NME6: variants seen among roughly 807,000 people sequenced by gnomAD.
NME6 encodes NME/NM23 nucleoside diphosphate kinase 6, also known as nucleoside diphosphate kinase 6, mitochondrial.
Under a neutral mutation model 22.2 loss-of-function variants are expected in NME6, and 16 were observed. That is an observed-to-expected ratio of 0.72 (90% CI 0.49 to 1.09). The LOEUF is 1.09. Among genes scored for constraint, NME6 ranks in the 50% least tolerant of loss-of-function variants. NME6 has a pLI of 0.00. For missense variants in NME6, 229 were observed against 239.0 expected (o/e 0.96, Z 0.28); for synonymous variants, 58 against 85.2 (o/e 0.68, Z 1.76).
At position 48,294,546 on chromosome 3, in the gene NME6, G is replaced by C; in HGVS notation, c.*91C>G. On this transcript the variant is annotated 3_prime_UTR_variant, in exon 6 of 6. Coordinates refer to ENST00000442597, the MANE Select transcript of NME6 (RefSeq NM_001308426.2). Reference sequence around the variant, plus strand: ...GGTGGTGCCCAGCAGAAATGGCACTGTAAGCCAGGCTTCCCTGGTCCTAGG... The same window carrying C: ...GGTGGTGCCCAGCAGAAATGGCACTCTAAGCCAGGCTTCCCTGGTCCTAGG... The C allele has an allele frequency of 7.0e-7, 1 of 1,420,810 alleles. No individual in the cohort carries two copies. The highest frequency in any genetic ancestry group is 9.7e-7 in the Non-Finnish European group (1 of 1,032,264). 88.0% of individuals were successfully genotyped at this position (1,420,810 alleles called of 1,614,324 possible). A position where few individuals can be genotyped will look rare whatever the true frequency, so the allele number is the denominator to read the frequency against.
chr3:48,297,058 G>A (rs2035194086), intron 2 of NME6, among the ~76,000 whole-genome samples: 1 of 152,094 alleles, frequency 6.6e-6, no homozygotes, highest in Non-Finnish European at 1.5e-5. Context: ...AACCCCTTGA[G>A]CTCAAGACCA....
downstream of NME6, among the ~76,000 whole-genome samples, chr3:48,290,409 A>G (rs1414631964): frequency 6.6e-6 from 1 of 152,238 alleles, no homozygotes; most frequent in East Asian, 1.9e-4. Flanking sequence ...GATACAATGT[A>G]GAATAATTAA....
At chr3:48,300,521 C>A in intron 1 of NME6, 2 of 367,018 alleles carry the variant, frequency 5.4e-6, no homozygotes, top group Non-Finnish European at 1.1e-5. Flanking sequence ...AAGGTGTAAG[C>A]AGTACCTAGC....
Position 48,298,407 on chromosome 3 carries a change from G to A in NME6, c.90+20C>T. ...AGCAATTCCCAGGGCATGCGGTAGA[G>A]ACTTAGGATTCATTCTTACCTCCAG... is the stretch of plus-strand genomic sequence containing the variant. On this transcript the variant is annotated intron_variant, in intron 2 of 5. Transcript: ENST00000442597. 2 of 1,604,382 alleles carry A rather than the reference G, an allele frequency of 1.2e-6. No homozygotes were observed. Among genetic ancestry groups the A allele is most frequent in the Middle Eastern group, 1.7e-4 (1 of 6,050 alleles).
rs1372705435 is a variant in NME6 at position 48,294,282 on chromosome 3, C to T, written c.*355G>A. On this transcript the variant is annotated 3_prime_UTR_variant, in exon 6 of 6. Transcript: ENST00000442597. Reference sequence around the variant, plus strand: ...AGAGATGGGGTTTCACCATGTTGGTCAGGCTGGTCTCGAATTCCTGACCTT... The same window carrying T: ...AGAGATGGGGTTTCACCATGTTGGTTAGGCTGGTCTCGAATTCCTGACCTT... The T allele has an allele frequency of 5.4e-6, 1 of 186,486 alleles. No homozygotes were observed. The highest frequency in any genetic ancestry group is 1.2e-5 in the Non-Finnish European group (1 of 86,904). The allele number at this position is 186,486 out of a possible 1,614,324, so 11.6% of individuals were successfully genotyped here. A position where few individuals can be genotyped will look rare whatever the true frequency, so the allele number is the denominator to read the frequency against.
chr3:48,294,674 T>A lies in NME6; in HGVS notation c.524A>T (p.His175Leu). ...PVCYSPEGGV[H>L]YVAGTGGLGP... ...TAGGCCTCCTGTTCCAGCTACATAG[T>A]GGACACCTCCCTCTGGGCTATAGCA... The change falls in exon 6 of 6, where the codon CAC becomes CTC. Residue 175 changes from histidine (H) to leucine (L), a missense_variant. Coordinates refer to ENST00000442597, the MANE Select transcript of NME6 (RefSeq NM_001308426.2). 1.2e-6 allele frequency: 2 copies of A among 1,614,188 alleles called. No individual in the cohort carries two copies. The highest frequency in any genetic ancestry group is 8.5e-7 in the Non-Finnish European group (1 of 1,180,024).
rs779576953 is a variant in NME6, at chr3:48,295,112, G to A, written c.357C>T (p.Phe119=). The change falls in exon 5 of 6, where the codon TTC becomes TTT. Residue 119 remains phenylalanine (F), a synonymous_variant. Coordinates refer to ENST00000442597, the MANE Select transcript of NME6 (RefSeq NM_001308426.2). ...TGGTGTTGCGGGTGTCAGTGAGGCCGAAACTCCCACGGATAGAATCTGGGG... is the reference window on the plus strand; with the variant it reads ...TGGTGTTGCGGGTGTCAGTGAGGCCAAAACTCCCACGGATAGAATCTGGGG... ...HVAPDSIRGS[F]GLTDTRNTTH... The A allele has an allele frequency of 2.7e-5, 44 of 1,614,002 alleles. No homozygotes were observed. The highest frequency in any genetic ancestry group is 3.4e-5 in the Non-Finnish European group (40 of 1,180,026).
chr3:48,294,467 T>G lies in NME6; in HGVS notation c.*170A>C, dbSNP rs894167249. 1.7e-6 allele frequency: 1 copy of G among 601,042 alleles called. No homozygotes were observed. Among genetic ancestry groups the G allele is most frequent in the South Asian group, 2.1e-5 (1 of 47,720 alleles). The allele number at this position is 601,042 out of a possible 1,614,324, so 37.2% of individuals were successfully genotyped here. ...ATAAACATTCCAGAGAAGAGGTAGA[T>G]AGAAGGCTAGATCCTGGAGGATGTG... On this transcript the variant is annotated 3_prime_UTR_variant, in exon 6 of 6. Transcript: ENST00000442597.
chr3:48,298,965 T>A lies in NME6; in HGVS notation c.-7-442A>T, dbSNP rs530886352. On this transcript the variant is annotated intron_variant, in intron 1 of 5. Coordinates refer to ENST00000442597, the MANE Select transcript of NME6 (RefSeq NM_001308426.2). ...TCTTCCATCCCATAGTGCTCTCCTA[T>A]CAAATCTAGAATTGGAAGATTGATG... 2.8e-4 allele frequency: 199 copies of A among 703,060 alleles called. No homozygotes were observed. The African/African-American group carries it at 3.2e-3, about 11-fold the overall frequency. The allele number at this position is 703,060 out of a possible 1,614,324, so 43.6% of individuals were successfully genotyped here. A position where few individuals can be genotyped will look rare whatever the true frequency, so the allele number is the denominator to read the frequency against.
intron 1 of NME6, 114 bp downstream of exon 1, chr3:48,301,239 T>C: frequency 6.4e-7 from 1 of 1,552,782 alleles, no homozygotes; most frequent in East Asian, 2.4e-5. Flanking sequence ...AGCCCCCTAC[T>C]TCTCTAGGCC....
Position 48,294,330 on chromosome 3 carries a change from C to T in NME6, c.*307G>A. 4.5e-6 allele frequency: 1 copy of T among 222,836 alleles called. No homozygotes were observed. Among genetic ancestry groups the T allele is most frequent in the Non-Finnish European group, 9.1e-6 (1 of 109,426 alleles). 13.8% of individuals were successfully genotyped at this position (222,836 alleles called of 1,614,324 possible). On this transcript the variant is annotated 3_prime_UTR_variant, in exon 6 of 6. Coordinates refer to ENST00000442597, the MANE Select transcript of NME6 (RefSeq NM_001308426.2). The stretch of plus-strand genomic sequence containing the variant: ...CTTGTGATCCGCCTGCCTCGGCCTC[C>T]CAAAGTGCTGGGATTATAGGCGTGA...
intron 4 of NME6, 67 bp from the exon 5 acceptor site, chr3:48,295,302 G>A: frequency 1.3e-6 from 2 of 1,499,346 alleles, no homozygotes; most frequent in Non-Finnish European, 1.8e-6. Flanking sequence ...CTGTGAGCAG[G>A]GCCTGAATAA....
rs1285463860 is a variant in NME6, at chr3:48,296,836, A to G, written c.91-7T>C. 1 of 1,601,202 alleles carries G rather than the reference A, an allele frequency of 6.2e-7. No individual in the cohort carries two copies. The highest frequency in any genetic ancestry group is 2.2e-5 in the East Asian group (1 of 44,834). On this transcript the variant is annotated splice_polypyrimidine_tract_variant and splice_region_variant and intron_variant, in intron 2 of 5. Coordinates refer to ENST00000442597, the MANE Select transcript of NME6 (RefSeq NM_001308426.2). ...GAATCTGCTGATGAACAGCCTGAAT[A>G]AAGACCATCCCCAAAATAAAAATCA...
chr3:48,298,248 G>T, intron 2 of NME6, 179 bp downstream of exon 2: 1 of 632,912 alleles, frequency 1.6e-6, no homozygotes, highest in South Asian at 1.8e-5. Context: ...TACATTTTAG[G>T]TCTGCCTCAA....
chr3:48,294,896 C>T, intron 5 of NME6, 93 bp from the exon 6 acceptor site: 5 of 1,456,088 alleles, frequency 3.4e-6, no homozygotes, highest in Non-Finnish European at 4.7e-6. Context: ...CTCTACTCTG[C>T]CTGCCCCTTC....
intron 1 of NME6, among the ~76,000 whole-genome samples, chr3:48,299,590 A>T (rs373791717): frequency 6.9e-6 from 1 of 145,214 alleles, no homozygotes; most frequent in East Asian, 2.0e-4. Context: ...TATATATATA[A>T]TATATATGTG....
intron 4 of NME6, chr3:48,295,445 C>T (rs1241779766): frequency 3.7e-6 from 2 of 547,578 alleles, no homozygotes; most frequent in Non-Finnish European, 6.4e-6. Context: ...ATGCAGCATT[C>T]AAGGGGACTC....
chr3:48,299,044 T>A (rs2035429596), intron 1 of NME6: 1 of 701,090 alleles, frequency 1.4e-6, no homozygotes. Context: ...ATAAACACCA[T>A]CTCTATTCTA....
At chr3:48,295,026 C>T (rs748482671) in intron 5 of NME6, 49 bp downstream of exon 5, 2 of 1,581,500 alleles carry the variant, frequency 1.3e-6, no homozygotes, top group Non-Finnish European at 1.7e-6. Flanking sequence ...TACCACACAG[C>T]CTGCCCGCTA....
Sources: gnomAD v4.1 joint callset for allele counts (sites outside exome capture counted in the v4.1 genomes callset) on GRCh38, gnomAD v4.1.1 for gene constraint, MANE v1.5 for transcripts, NCBI Gene and HGNC (gene_info 2026-07-23, HGNC 2026-07-21) for gene names.